Variants in CUL3 observed in about 807,000 individuals in gnomAD.
CUL3 encodes cullin 3.
A neutral mutation model predicts 89.1 loss-of-function variants in CUL3; 19 were observed. That is an observed-to-expected ratio of 0.21 (90% CI 0.15 to 0.31). CUL3 has a LOEUF of 0.31. Ranked by LOEUF, CUL3 falls within the 10% of genes least tolerant of loss-of-function variation. The pLI is 1.00. For missense variants in CUL3, 469 were observed against 942.3 expected (o/e 0.50, Z 6.58); for synonymous variants, 351 against 308.4 (o/e 1.14, Z -1.45).
At chr2:224,561,902 A>C (rs1403213628) in intron 1 of CUL3, among the ~76,000 whole-genome samples, 8 of 125,122 alleles carry the variant, frequency 6.4e-5, no homozygotes, top group Admixed American at 5.6e-4. Flanking sequence ...TGAGTAACAA[A>C]TAGATAAAGC....
In CUL3 at chr2:224,482,022, G is replaced by C. The variant is rs768832883; in HGVS notation, c.1899C>G (p.Ser633=). The change falls in exon 14 of 16, where the codon TCC becomes TCG. Residue 633 remains serine (S), a synonymous_variant. Coordinates refer to ENST00000264414, the MANE Select transcript of CUL3 (RefSeq NM_003590.5). ...PERELVRALQ[S]LACGKPTQRV... ...GCTGTGTTGGTTTACCACAGGCGAG[G>C]GACTGTAGGGCTCTAACAAGCTCTC... The C allele has an allele frequency of 6.2e-7, 1 of 1,608,560 alleles. No individual in the cohort carries two copies. The highest frequency in any genetic ancestry group is 1.1e-5 in the South Asian group (1 of 89,186).
chr2:224,503,817 T>C lies in CUL3; in HGVS notation c.1212A>G (p.Thr404=), dbSNP rs748864104. 6 of 1,548,634 alleles carry C rather than the reference T, an allele frequency of 3.9e-6. No individual in the cohort carries two copies. Among genetic ancestry groups the C allele is most frequent in the Non-Finnish European group, 5.2e-6 (6 of 1,152,006 alleles). ...DKLKKGVKGL[T]EQEVETILDK... is the part of the protein sequence containing the mutation. Reference sequence around the variant, plus strand: ...CCAATATTGTTTCTACTTCTTGTTCTGTTAGCTGCAAAATTAAGATGATGT... The same window carrying C: ...CCAATATTGTTTCTACTTCTTGTTCCGTTAGCTGCAAAATTAAGATGATGT... Residue 404 remains threonine (T), a synonymous_variant, in exon 9 of 16, where the codon ACA becomes ACG. Coordinates refer to ENST00000264414, the MANE Select transcript of CUL3 (RefSeq NM_003590.5).
At chr2:224,573,576 G>C (rs1559240826) in intron 1 of CUL3, among the ~76,000 whole-genome samples, 1 of 152,190 alleles carries the variant, frequency 6.6e-6, no homozygotes, top group Non-Finnish European at 1.5e-5. Flanking sequence ...CCTGGAACCT[G>C]AAGGTAGATT....
intron 1 of CUL3, among the ~76,000 whole-genome samples, chr2:224,575,526 A>C (rs1360212116): frequency 6.6e-6 from 1 of 152,194 alleles, no homozygotes; most frequent in Non-Finnish European, 1.5e-5. Context: ...GGTCTTCCTG[A>C]GATCAAAGGG....
chr2:224,582,672 A>G (rs1184514310), intron 1 of CUL3, among the ~76,000 whole-genome samples: 2 of 152,230 alleles, frequency 1.3e-5, no homozygotes, highest in Non-Finnish European at 2.9e-5. Flanking sequence ...ACAAAAAAAA[A>G]TTCAGTTCCA....
chr2:224,486,137 A>G (rs1691712058), intron 13 of CUL3, among the ~76,000 whole-genome samples: 1 of 152,256 alleles, frequency 6.6e-6, no homozygotes, highest in African/African-American at 2.4e-5. Context: ...AAAGGTAGAT[A>G]AATCCATGAA....
At position 224,471,239 on chromosome 2, in the gene CUL3, C is replaced by G. The variant is rs368320818; in HGVS notation, c.*3006G>C. 4.8e-6 allele frequency: 1 copy of G among 209,060 alleles called. No homozygotes were observed. Among genetic ancestry groups the G allele is most frequent in the African/African-American group, 2.3e-5 (1 of 43,958 alleles). The allele number at this position is 209,060 out of a possible 1,614,324, so 13.0% of individuals were successfully genotyped here. On this transcript the variant is annotated 3_prime_UTR_variant, in exon 16 of 16. Coordinates refer to ENST00000264414, the MANE Select transcript of CUL3 (RefSeq NM_003590.5). The stretch of plus-strand genomic sequence containing the variant: ...AACAGCTTTCCTTCCAAGATTGACA[C>G]AATATACCATATACTCTATAAAAAA...
intron 3 of CUL3, among the ~76,000 whole-genome samples, chr2:224,532,669 A>G (rs1261714981): frequency 6.6e-6 from 1 of 152,332 alleles, no homozygotes; most frequent in Non-Finnish European, 1.5e-5. Flanking sequence ...TGAATGACAC[A>G]CGACAGATCC....
chr2:224,490,259 A>G (rs1691906167), intron 13 of CUL3, among the ~76,000 whole-genome samples: 1 of 152,202 alleles, frequency 6.6e-6, no homozygotes, highest in East Asian at 1.9e-4. Context: ...TAGCAAAATT[A>G]GTGAAAGTAC....
intron 6 of CUL3, among the ~76,000 whole-genome samples, chr2:224,510,298 T>C (rs1315114063): frequency 7.1e-6 from 1 of 141,610 alleles, no homozygotes; most frequent in East Asian, 2.1e-4. Flanking sequence ...TAGTTTTTTT[T>C]GTTTTTTTTT....
intron 3 of CUL3, among the ~76,000 whole-genome samples, chr2:224,517,159 A>G (rs894046250): frequency 5.9e-5 from 9 of 152,210 alleles, no homozygotes; most frequent in African/African-American, 2.2e-4. Context: ...TTCTACATAT[A>G]AGTATATATT....
chr2:224,580,127 T>C (rs1428679431), intron 1 of CUL3, among the ~76,000 whole-genome samples: 1 of 152,206 alleles, frequency 6.6e-6, no homozygotes, highest in Non-Finnish European at 1.5e-5. Context: ...TTTAAAAAGT[T>C]TTGTGGTCCT....
At chr2:224,561,280 C>T (rs1694893500) in intron 1 of CUL3, among the ~76,000 whole-genome samples, 1 of 152,108 alleles carries the variant, frequency 6.6e-6, no homozygotes, top group South Asian at 2.1e-4. Flanking sequence ...GACTAATGAC[C>T]CCTTTGTAAA....
At chr2:224,583,685 T>C (rs571415033) in intron 1 of CUL3, among the ~76,000 whole-genome samples, 1 of 152,356 alleles carries the variant, frequency 6.6e-6, no homozygotes, top group Admixed American at 6.5e-5. Context: ...TTTATGTTCT[T>C]ACAATTTCAG....
At chr2:224,525,737 G>C (rs968498963) in intron 3 of CUL3, among the ~76,000 whole-genome samples, 1 of 152,164 alleles carries the variant, frequency 6.6e-6, no homozygotes, top group African/African-American at 2.4e-5. Context: ...ACTCAGCCAA[G>C]GAAGGCTTAT....
rs781170359 is a variant in CUL3, at chr2:224,470,784, A to G, written c.*3461T>C. The G allele has an allele frequency of 6.5e-5, 15 of 231,480 alleles. No individual in the cohort carries two copies. The highest frequency in any genetic ancestry group is 1.1e-4 in the Non-Finnish European group (13 of 117,048). 14.3% of individuals were successfully genotyped at this position (231,480 alleles called of 1,614,324 possible). A position where few individuals can be genotyped will look rare whatever the true frequency, so the allele number is the denominator to read the frequency against. ...CTAACAAAAATGTGCAAAATTCCAT[A>G]TTGCAATGCTTCATGTATTAACTTT... is the stretch of plus-strand genomic sequence containing the variant. On this transcript the variant is annotated 3_prime_UTR_variant, in exon 16 of 16. Transcript: ENST00000264414.
intron 3 of CUL3, among the ~76,000 whole-genome samples, chr2:224,519,375 C>T (rs1693179681): frequency 6.6e-6 from 1 of 152,132 alleles, no homozygotes; most frequent in South Asian, 2.1e-4. Flanking sequence ...ACAAGCATTT[C>T]GGGTAAGAGA....
At chr2:224,521,261 G>C (rs545672021) in intron 3 of CUL3, among the ~76,000 whole-genome samples, 2 of 152,098 alleles carry the variant, frequency 1.3e-5, no homozygotes, top group African/African-American at 2.4e-5. Flanking sequence ...TGTTTCATTT[G>C]TAACTATGAG....
chr2:224,550,658 G>A (rs183631012), intron 2 of CUL3, among the ~76,000 whole-genome samples: 2 of 152,202 alleles, frequency 1.3e-5, no homozygotes, highest in African/African-American at 2.4e-5. Flanking sequence ...AGATTTGTCC[G>A]TTTCTTATTC....
Sources: allele counts gnomAD v4.1 joint callset (sites outside exome capture counted in the v4.1 genomes callset), GRCh38; gene constraint gnomAD v4.1.1; transcripts MANE v1.5; gene names NCBI Gene and HGNC (gene_info 2026-07-23, HGNC 2026-07-21).